ANK2: variants seen among roughly 807,000 people sequenced by gnomAD.
The protein encoded by ANK2 is ankyrin-2.
A neutral mutation model predicts 360.5 loss-of-function variants in ANK2; 83 were observed. The ratio of observed to expected loss-of-function variants is 0.23; its 90% CI spans 0.19 to 0.28. The LOEUF is 0.28. Among genes scored for constraint, ANK2 ranks in the 10% least tolerant of loss-of-function variants. ANK2 has a pLI of 1.00. For synonymous variants in ANK2, 1,740 were observed against 1,759.5 expected, an observed-to-expected ratio of 0.99 and a Z score of 0.28; for missense variants, 4,201 against 4,795.7, an observed-to-expected ratio of 0.88 and a Z score of 3.66.
rs538366700 is a variant in ANK2 at position 112,908,342 on chromosome 4, A to G, written c.21+3828A>G. Among the ~76,000 whole-genome samples the G allele has an allele frequency of 6.6e-5, 10 of 152,344 alleles. 1 individual carries two copies. The highest frequency in any genetic ancestry group is 4.6e-4 in the Admixed American group (7 of 15,308). On this transcript the variant is annotated intron_variant, in intron 2 of 30. Coordinates refer to the ANK2 transcript ENST00000503271. ...AAGTAACTTGTCAAACTCATACTGC[A>G]AATCACCAGCAAATGTGGCAGAGCC...
At chr4:112,804,153 G>A in the ANK2 span, among the ~76,000 whole-genome samples, 1 of 152,180 alleles carries the variant, frequency 6.6e-6, no homozygotes, top group African/African-American at 2.4e-5. Flanking sequence ...CAAGTAGCTG[G>A]AACTACAGGC....
At chr4:112,714,980 C>T in the ANK2 span, among the ~76,000 whole-genome samples, 1 of 152,112 alleles carries the variant, frequency 6.6e-6, no homozygotes, top group South Asian at 2.1e-4. Flanking sequence ...CTTCAAACAA[C>T]AATAATCATG....
At chr4:112,839,120 G>A (rs537407012) in intron 1 of ANK2, among the ~76,000 whole-genome samples, 2 of 152,172 alleles carry the variant, frequency 1.3e-5, no homozygotes, top group Non-Finnish European at 2.9e-5. Context: ...CCCTCGTTTG[G>A]TAACACTTTG....
At chr4:113,332,300 C>T (rs1048664339) in intron 28 of ANK2, among the ~76,000 whole-genome samples, 1 of 152,050 alleles carries the variant, frequency 6.6e-6, no homozygotes, top group Non-Finnish European at 1.5e-5. Context: ...CCTTCATTTT[C>T]GTTTAAGCAT....
chr4:112,876,228 A>G (rs746732546), intron 1 of ANK2, among the ~76,000 whole-genome samples: 2 of 152,164 alleles, frequency 1.3e-5, no homozygotes, highest in African/African-American at 4.8e-5. Context: ...CAAGGGATTC[A>G]CTGCAGCGAT....
chr4:113,240,419 T>A, intron 7 of ANK2, 66 bp from the exon 8 acceptor site: 1 of 1,234,934 alleles, frequency 8.1e-7, no homozygotes, highest in Non-Finnish European at 1.2e-6. Context: ...CCTTCTTCAC[T>A]AATACAATGG....
chr4:112,819,093 G>A (rs2056230040), intron 1 of ANK2, among the ~76,000 whole-genome samples: 1 of 152,212 alleles, frequency 6.6e-6, no homozygotes, highest in Admixed American at 6.5e-5. Flanking sequence ...TGTCTTAGGT[G>A]TGGCCTTTTT....
At chr4:113,262,509 C>T (rs971831923) in intron 13 of ANK2, among the ~76,000 whole-genome samples, 3 of 152,090 alleles carry the variant, frequency 2.0e-5, no homozygotes, top group Non-Finnish European at 4.4e-5. Context: ...GGATTACAGG[C>T]TTGAGCCACT....
At chr4:113,129,219 C>A (rs1269375550) in intron 1 of ANK2, among the ~76,000 whole-genome samples, 1 of 151,984 alleles carries the variant, frequency 6.6e-6, no homozygotes, top group Non-Finnish European at 1.5e-5. Flanking sequence ...AGTAGAATTC[C>A]AGTGAACAAA....
upstream of ANK2, among the ~76,000 whole-genome samples, chr4:112,813,127 A>G (rs2055422357): frequency 6.6e-6 from 1 of 151,898 alleles, no homozygotes; most frequent in Non-Finnish European, 1.5e-5. Flanking sequence ...AGTCCCAGCT[A>G]CTTGGGAGGC....
chr4:112,904,321 A>G, intron 1 of ANK2: 1 of 482,214 alleles, frequency 2.1e-6, no homozygotes, highest in Non-Finnish European at 3.6e-6. Flanking sequence ...CATTTATAAT[A>G]GTGGCTTTTT....
In ANK2 at chr4:113,353,108, T is replaced by C; in HGVS notation, c.4490T>C (p.Val1497Ala). 6.2e-7 allele frequency: 1 copy of C among 1,614,000 alleles called. No homozygotes were observed. The highest frequency in any genetic ancestry group is 8.5e-7 in the Non-Finnish European group (1 of 1,179,894). ...LKSHLVNEVPVLASPDLLSEV... is the reference protein window; with the variant it reads ...LKSHLVNEVPALASPDLLSEV... Reference sequence around the variant, plus strand: ...AGTCACCTGGTTAATGAAGTTCCTGTCCTAGCAAGTCCGGACTTGCTCTCT... The same window carrying C: ...AGTCACCTGGTTAATGAAGTTCCTGCCCTAGCAAGTCCGGACTTGCTCTCT... The change falls in exon 38 of 46, where the codon GTC (valine) becomes GCC (alanine). Residue 1497 changes from valine (V) to alanine (A), a missense_variant. By Grantham distance (64) the Val-to-Ala change is moderately conservative (BLOSUM62 0). Coordinates refer to ENST00000357077, the MANE Select transcript of ANK2 (RefSeq NM_001148.6).
At chr4:113,112,316 A>G (rs778184603) in intron 1 of ANK2, among the ~76,000 whole-genome samples, 31 of 152,124 alleles carry the variant, frequency 2.0e-4, no homozygotes, top group Non-Finnish European at 3.7e-4. Context: ...CAACTAGCAA[A>G]TCCAGCCTGT....
At chr4:112,722,417 T>C in the ANK2 span, among the ~76,000 whole-genome samples, 1 of 152,168 alleles carries the variant, frequency 6.6e-6, no homozygotes, top group African/African-American at 2.4e-5. Context: ...CTTTAGGGTG[T>C]TTCCACTAAC....
intron 1 of ANK2, among the ~76,000 whole-genome samples, chr4:112,893,140 C>T (rs1218811644): frequency 3.3e-5 from 5 of 152,058 alleles, no homozygotes; most frequent in African/African-American, 9.7e-5. Flanking sequence ...GAAGATAACA[C>T]TACTTTATGT....
rs564182357 is a variant in ANK2 at position 112,996,160 on chromosome 4, G to T, written c.21+91646G>T. ...GATGGATCTCAAAATAATGATCTAG[G>T]TGAAGAAGCCAGACATAAAATGAAT... is the stretch of plus-strand genomic sequence containing the variant. On this transcript the variant is annotated intron_variant, in intron 2 of 30. Coordinates refer to the ANK2 transcript ENST00000503271. Among the ~76,000 whole-genome samples, 382 of 152,232 alleles carry T rather than the reference G, an allele frequency of 2.5e-3. 2 individuals are homozygous for T. Among genetic ancestry groups the T allele is most frequent in the African/African-American group, 8.7e-3 (363 of 41,544 alleles).
At chr4:113,006,179 A>G (rs1423106964) in intron 2 of ANK2, among the ~76,000 whole-genome samples, 1 of 152,234 alleles carries the variant, frequency 6.6e-6, no homozygotes, top group African/African-American at 2.4e-5. Flanking sequence ...AAATCATACA[A>G]CACATAAAAA....
At chr4:112,919,173 A>G (rs1048774271) in intron 2 of ANK2, among the ~76,000 whole-genome samples, 2 of 152,158 alleles carry the variant, frequency 1.3e-5, no homozygotes, top group Admixed American at 6.5e-5. Flanking sequence ...ACAATTGGCA[A>G]TAGCATCTTT....
At chr4:112,812,199 TCAATGAGGGG>T in the ANK2 span, among the ~76,000 whole-genome samples, 64,506 of 151,400 alleles carry the variant, frequency 0.43, 14,606 homozygotes, top group African/African-American at 0.59. Context: ...AATAGTTACC[TCAATGAGGGG>T]CAAATATGTC....
Sources: allele counts gnomAD v4.1 joint callset (sites outside exome capture counted in the v4.1 genomes callset), GRCh38; gene constraint gnomAD v4.1.1; transcripts MANE v1.5; gene names NCBI Gene and HGNC (gene_info 2026-07-23, HGNC 2026-07-21).